Variants in ANKS6 observed in about 807,000 individuals in gnomAD.
The protein encoded by ANKS6 is ankyrin repeat and SAM domain-containing protein 6.
A neutral mutation model predicts 77.9 loss-of-function variants in ANKS6; 47 were observed. That is an observed-to-expected ratio of 0.60 (90% confidence interval 0.48 to 0.77). The LOEUF (loss-of-function observed/expected upper bound fraction) is 0.77. Ranked by LOEUF, ANKS6 falls within the 30% of genes least tolerant of loss-of-function variation. ANKS6 has a pLI of 0.00. For synonymous variants in ANKS6, 488 were observed against 501.7 expected (o/e 0.97, Z 0.37); for missense variants, 1,150 against 1,159.1 (o/e 0.99, Z 0.11).
intron 11 of ANKS6, among the ~76,000 whole-genome samples, chr9:98,767,851 C>A (rs1833386100): frequency 6.6e-6 from 1 of 152,202 alleles, no homozygotes; most frequent in South Asian, 2.1e-4. Context: ...TGTACCCTGC[C>A]ACTGTGCAGC....
At position 98,745,124 on chromosome 9, in the gene ANKS6, C is replaced by G. The variant is rs1276558728; in HGVS notation, c.2511+435G>C. The stretch of plus-strand genomic sequence containing the variant: ...GCCGACAATAGTGACTGACGGCTCT[C>G]TGTGTGCCAGGAGCTCTGCTGAGCA... On this transcript the variant is annotated intron_variant, in intron 14 of 14. Transcript: ENST00000353234. 3.3e-5 allele frequency among the ~76,000 whole-genome samples: 5 copies of G among 152,230 alleles called. No homozygotes were observed. In the South Asian group the frequency reaches 6.2e-4, roughly 19 times the overall value.
chr9:98,742,947 T>G (rs915054629), intron 14 of ANKS6, among the ~76,000 whole-genome samples: 2 of 152,214 alleles, frequency 1.3e-5, no homozygotes, highest in Non-Finnish European at 2.9e-5. Context: ...CAAGATGTCA[T>G]GTCATTCACT....
At position 98,768,240 on chromosome 9, in the gene ANKS6, T is replaced by C. The variant is rs1489927023; in HGVS notation, c.1983A>G (p.Ile661Met). 6.2e-7 allele frequency: 1 copy of C among 1,614,078 alleles called. No individual in the cohort carries two copies. Among genetic ancestry groups the C allele is most frequent in the Admixed American group, 1.7e-5 (1 of 60,026 alleles). ...CAGCGATTTGGGACAAGACATTGTC[T>C]ATGCTGCCACCTGAGGAAACACAAA... ...GELLNRSGGS[I>M]DNVLSQIAAQ... Residue 661 changes from isoleucine to methionine, a missense_variant, in exon 11 of 15, where the codon ATA (isoleucine) becomes ATG (methionine). Coordinates refer to ENST00000353234, the MANE Select transcript of ANKS6 (RefSeq NM_173551.5).
rs529963608 is a variant in ANKS6 at position 98,758,910 on chromosome 9, C to T, written c.2143-2307G>A. Among the ~76,000 whole-genome samples the T allele has an allele frequency of 2.6e-4, 40 of 152,264 alleles. No homozygotes were observed. The South Asian group carries it at 8.1e-3, about 31-fold the overall frequency. The stretch of plus-strand genomic sequence containing the variant: ...TCAACTAGAGTACAGTACTTGTATA[C>T]AGTACTTTTTGTCTTTAGCCTAATA... On this transcript the variant is annotated intron_variant, in intron 11 of 14. Coordinates refer to ENST00000353234, the MANE Select transcript of ANKS6 (RefSeq NM_173551.5).
At chr9:98,792,570 T>A (rs1020911485) in intron 1 of ANKS6, among the ~76,000 whole-genome samples, 10 of 152,232 alleles carry the variant, frequency 6.6e-5, no homozygotes, top group Admixed American at 3.3e-4. Flanking sequence ...AGAACTGGTG[T>A]ATCCTCCACT....
At chr9:98,781,775 C>T (rs950087740) in intron 5 of ANKS6, among the ~76,000 whole-genome samples, 1 of 152,224 alleles carries the variant, frequency 6.6e-6, no homozygotes, top group Non-Finnish European at 1.5e-5. Context: ...TCTCTCCCCA[C>T]AGCCAACAGC....
intron 1 of ANKS6, 100 bp downstream of exon 1, chr9:98,796,033 T>C: frequency 8.5e-7 from 1 of 1,173,418 alleles, no homozygotes; most frequent in South Asian, 3.3e-5. Flanking sequence ...AAGGAGTCCT[T>C]AACTCTTCAC....
At chr9:98,767,427 G>C (rs1387524505) in intron 11 of ANKS6, among the ~76,000 whole-genome samples, 2 of 152,068 alleles carry the variant, frequency 1.3e-5, no homozygotes, top group Non-Finnish European at 2.9e-5. Flanking sequence ...CTCAAACCTG[G>C]GTAGGGCCCC....
Position 98,773,961 on chromosome 9 carries a change from G to T in ANKS6, c.1737C>A (p.His579Gln). Residue 579 changes from histidine (H) to glutamine (Q), a missense_variant, in exon 9 of 15, where the codon CAC becomes CAA. His to Gln is a conservative substitution (Grantham distance 24). Coordinates refer to ENST00000353234, the MANE Select transcript of ANKS6 (RefSeq NM_173551.5). Reference protein sequence around the residue: ...LWSSDRSRTRHNGKADPMKTA... With the variant: ...LWSSDRSRTRQNGKADPMKTA... The stretch of plus-strand genomic sequence containing the variant: ...TCTTCATGGGGTCTGCCTTCCCGTT[G>T]TGACGCGTCCGGGACCGATCAGAGC... The T allele has an allele frequency of 6.2e-7, 1 of 1,602,700 alleles. No individual in the cohort carries two copies. The highest frequency in any genetic ancestry group is 8.5e-7 in the Non-Finnish European group (1 of 1,176,364).
intron 9 of ANKS6, among the ~76,000 whole-genome samples, chr9:98,772,886 T>C (rs1476289688): frequency 3.3e-5 from 5 of 152,200 alleles, no homozygotes; most frequent in Admixed American, 2.0e-4. Context: ...CCCTGCCTCA[T>C]GTTCTGTGCC....
rs766228594 is a variant in ANKS6 at position 98,782,447 on chromosome 9, C to T, written c.1219+20G>A. ...AGAAACGCTGGGTAGATTTACAACCCTTTTCTTGAAATTACCTACCGGGAT... is the reference window on the plus strand; with the variant it reads ...AGAAACGCTGGGTAGATTTACAACCTTTTTCTTGAAATTACCTACCGGGAT... On this transcript the variant is annotated intron_variant, in intron 5 of 14. Transcript: ENST00000353234. The T allele has an allele frequency of 6.2e-7, 1 of 1,607,608 alleles. No homozygotes were observed. Among genetic ancestry groups the T allele is most frequent in the South Asian group, 1.1e-5 (1 of 90,922 alleles).
chr9:98,757,028 C>T (rs1457108509), intron 11 of ANKS6, among the ~76,000 whole-genome samples: 1 of 152,148 alleles, frequency 6.6e-6, no homozygotes, highest in Non-Finnish European at 1.5e-5. Flanking sequence ...TCATCTACAC[C>T]AAAGAACACG....
In ANKS6 at chr9:98,732,380, T is replaced by C; in HGVS notation, c.*4139A>G. On this transcript the variant is annotated 3_prime_UTR_variant, in exon 15 of 15. Transcript: ENST00000353234. Reference sequence around the variant, plus strand: ...GACTTGGTCAAACTATCTTTCTTTCTGTCTGCCATGCCAGGAAATCCAGTG... The same window carrying C: ...GACTTGGTCAAACTATCTTTCTTTCCGTCTGCCATGCCAGGAAATCCAGTG... The C allele has an allele frequency of 8.9e-7, 1 of 1,129,260 alleles. No individual in the cohort carries two copies. The allele number at this position is 1,129,260 out of a possible 1,614,324, so 70.0% of individuals were successfully genotyped here. A position where few individuals can be genotyped will look rare whatever the true frequency, so the allele number is the denominator to read the frequency against.
At chr9:98,744,591 T>C (rs991033503) in intron 14 of ANKS6, among the ~76,000 whole-genome samples, 3 of 152,234 alleles carry the variant, frequency 2.0e-5, no homozygotes, top group Non-Finnish European at 2.9e-5. Context: ...GCTGGTGGTA[T>C]GTGTCTGTTC....
chr9:98,757,142 C>T (rs768596144), intron 11 of ANKS6, among the ~76,000 whole-genome samples: 2 of 152,342 alleles, frequency 1.3e-5, no homozygotes, highest in Non-Finnish European at 1.5e-5. Flanking sequence ...AGAGTTCCCA[C>T]ATACCCCTCA....
intron 1 of ANKS6, among the ~76,000 whole-genome samples, chr9:98,793,934 G>A (rs1475459746): frequency 2.0e-5 from 3 of 148,548 alleles, no homozygotes; most frequent in Non-Finnish European, 4.5e-5. Context: ...GGCGTTTCAC[G>A]AAATCAGGAG....
rs1834812741 is a variant in ANKS6 at position 98,790,123 on chromosome 9, G to T, written c.843C>A (p.Thr281=). ...CCTGACCTGTTTTGGGCCTGACGGTGGTCAGCGGGTCCAGGTAGTCTACAA... is the reference window on the plus strand; with the variant it reads ...CCTGACCTGTTTTGGGCCTGACGGTTGTCAGCGGGTCCAGGTAGTCTACAA... ...RDLVDYLDPL[T]TVRPKTDEEK... The change falls in exon 2 of 15, where the codon ACC becomes ACA. Residue 281 remains threonine (T), a synonymous_variant. Transcript: ENST00000353234. The T allele has an allele frequency of 6.4e-7, 1 of 1,568,304 alleles. No individual in the cohort carries two copies. Among genetic ancestry groups the T allele is most frequent in the African/African-American group, 1.3e-5 (1 of 74,228 alleles).
chr9:98,784,435 A>C, intron 3 of ANKS6: 2 of 376,418 alleles, frequency 5.3e-6, no homozygotes, highest in African/African-American at 2.5e-5. Flanking sequence ...AGACAGAAGA[A>C]GACAGAAGGA....
chr9:98,765,497 G>A (rs1833226738), intron 11 of ANKS6, among the ~76,000 whole-genome samples: 1 of 152,182 alleles, frequency 6.6e-6, no homozygotes, highest in African/African-American at 2.4e-5. Flanking sequence ...GCTTGTTGTA[G>A]ACACATGTGG....
Sources: gnomAD v4.1 joint callset for allele counts (sites outside exome capture counted in the v4.1 genomes callset) on GRCh38, gnomAD v4.1.1 for gene constraint, MANE v1.5 for transcripts, NCBI Gene and HGNC (gene_info 2026-07-23, HGNC 2026-07-21) for gene names.